The following RIF1 variants were observed in gnomAD, a reference collection of about 807,000 sequenced individuals.
The protein encoded by RIF1 is telomere-associated protein RIF1.
RIF1 carries 45 observed loss-of-function variants against 247.1 expected under a neutral mutation model. The observed-to-expected ratio is 0.18, with a 90% CI of 0.14 to 0.23. The LOEUF (loss-of-function observed/expected upper bound fraction) is 0.23, where lower values mean the gene tolerates loss of function less well. Among genes scored for constraint, RIF1 ranks in the 10% least tolerant of loss-of-function variants. The probability of loss-of-function intolerance (pLI) is 1.00; values close to 1 mark genes in which losing one functional copy is unlikely to be tolerated. For synonymous variants in RIF1, 1,087 were observed against 978.8 expected (o/e 1.11, Z -2.06); for missense variants, 2,967 against 2,862.5 (o/e 1.04, Z -0.83).
At chr2:151,506,845 A>G (rs1047572665) in intron 13 of RIF1, 2 of 1,076,340 alleles carry the variant, frequency 1.9e-6, no homozygotes, top group Non-Finnish European at 1.4e-6. Flanking sequence ...AGGCTAGTAT[A>G]TTTTTAAAGA....
At position 151,465,943 on chromosome 2, in the gene RIF1, T is replaced by C; in HGVS notation, c.6423T>C (p.Asn2141=). Residue 2141 remains asparagine, a synonymous_variant, in exon 30 of 36, where the codon AAT becomes AAC. Coordinates refer to ENST00000444746, the MANE Select transcript of RIF1 (RefSeq NM_018151.5). The part of the protein sequence containing the change: ...TAISELIIED[N]NASPQKLREL... ...TCTCTGAGCTAATAATAGAAGACAA[T>C]AATGCATCTCCTCAAAAACTAAGGG... The C allele has an allele frequency of 1.2e-6, 2 of 1,614,106 alleles. No homozygotes were observed. The highest frequency in any genetic ancestry group is 8.5e-7 in the Non-Finnish European group (1 of 1,180,008).
intron 12 of RIF1, chr2:151,503,201 TTAACA>T: frequency 1.6e-6 from 1 of 628,766 alleles, no homozygotes. Flanking sequence ...TCATTTTGTA[TTAACA>T]TAATTTTGGT....
chr2:151,481,647 A>G lies in RIF1; in HGVS notation c.*6576A>G, dbSNP rs2049172702. ...TAAAAATGATTTAAGTTGAAGCCTA[A>G]CAGAAGTACTTGTTCATTCCTCAGT... On this transcript the variant is annotated 3_prime_UTR_variant, in exon 36 of 36. Coordinates refer to ENST00000444746, the MANE Select transcript of RIF1 (RefSeq NM_018151.5). The G allele has an allele frequency of 6.6e-6, 1 of 152,236 alleles. No homozygotes were observed. The highest frequency in any genetic ancestry group is 1.5e-5 in the Non-Finnish European group (1 of 68,042). The allele number at this position is 152,236 out of a possible 1,614,324, so 9.4% of individuals were successfully genotyped here.
At chr2:151,525,284 C>T in the RIF1 span, 1 of 1,574,474 alleles carries the variant, frequency 6.4e-7, no homozygotes, top group African/African-American at 1.3e-5. Flanking sequence ...CTAAATAGAG[C>T]CAGAATTACT....
intron 21 of RIF1, among the ~76,000 whole-genome samples, chr2:151,452,668 AC>A (rs922834810): frequency 6.6e-6 from 1 of 152,202 alleles, no homozygotes; most frequent in African/African-American, 2.4e-5. Flanking sequence ...TCTGACCAGG[AC>A]CTAATATGAT....
chr2:151,492,595 T>G, intron 9 of RIF1: 1 of 811,374 alleles, frequency 1.2e-6, no homozygotes, highest in Non-Finnish European at 1.9e-6. Context: ...GAGGGACGCT[T>G]GGGTCAACTG....
rs35824119 is a variant in RIF1 at position 151,491,037 on chromosome 2, CTT to C, written c.*416-4178_*416-4177del. Among the ~76,000 whole-genome samples the C allele has an allele frequency of 1.8e-3, 246 of 137,990 alleles. 1 individual carries two copies. The highest frequency in any genetic ancestry group is 4.4e-3 in the East Asian group (21 of 4,720). 90.5% of individuals were successfully genotyped at this position (137,990 alleles called of 152,430 possible). A position where few individuals can be genotyped will look rare whatever the true frequency, so the allele number is the denominator to read the frequency against. On this transcript the variant is annotated intron_variant and NMD_transcript_variant, in intron 9 of 13. Coordinates refer to the RIF1 transcript ENST00000454583. ...TTGAGGACTGTCTCTACATAATATCCTTTTTTTTTTTTTTTGAGATGGGGTCT... is the reference window on the plus strand; with the variant it reads ...TTGAGGACTGTCTCTACATAATATCCTTTTTTTTTTTTTGAGATGGGGTCT...
intron 21 of RIF1, among the ~76,000 whole-genome samples, chr2:151,452,128 T>A (rs1694408046): frequency 6.6e-6 from 1 of 152,142 alleles, no homozygotes; most frequent in South Asian, 2.1e-4. Context: ...AAGAAAACAA[T>A]GGGATCAGTT....
intron 12 of RIF1, chr2:151,503,219 G>C: frequency 1.4e-6 from 1 of 698,050 alleles, no homozygotes; most frequent in East Asian, 2.7e-5. Flanking sequence ...ATTTTGGTCA[G>C]GTAATAATAC....
At chr2:151,448,748 C>T (rs1336247787) in intron 20 of RIF1, among the ~76,000 whole-genome samples, 3 of 152,146 alleles carry the variant, frequency 2.0e-5, no homozygotes, top group Non-Finnish European at 4.4e-5. Context: ...TGTTATTTCA[C>T]CCACACTCCA....
chr2:151,520,381 C>T, the RIF1 span, among the ~76,000 whole-genome samples: 1 of 152,038 alleles, frequency 6.6e-6, no homozygotes, highest in African/African-American at 2.4e-5. Flanking sequence ...AAGTGAGATA[C>T]TTCAGAATAA....
chr2:151,473,306 T>C (rs918372828), intron 34 of RIF1, among the ~76,000 whole-genome samples: 1 of 150,886 alleles, frequency 6.6e-6, no homozygotes, highest in African/African-American at 2.4e-5. Flanking sequence ...TTTTTTTTTT[T>C]TTTTTTTTAA....
rs1387467861 is a variant in RIF1 at position 151,477,720 on chromosome 2, T to A, written c.*2649T>A. ...CCACCCCACCTGGCCATTTTCTTTTTTTTTTGAGGTGGAGTTTTCGCCCTT... is the reference window on the plus strand; with the variant it reads ...CCACCCCACCTGGCCATTTTCTTTTATTTTTGAGGTGGAGTTTTCGCCCTT... On this transcript the variant is annotated 3_prime_UTR_variant, in exon 36 of 36. Coordinates refer to ENST00000444746, the MANE Select transcript of RIF1 (RefSeq NM_018151.5). 1 of 151,736 alleles carries A rather than the reference T, an allele frequency of 6.6e-6. No individual in the cohort carries two copies. Among genetic ancestry groups the A allele is most frequent in the African/African-American group, 2.4e-5 (1 of 41,072 alleles). 9.4% of individuals were successfully genotyped at this position (151,736 alleles called of 1,614,324 possible).
chr2:151,426,659 G>GTT lies in RIF1; in HGVS notation c.787-2116_787-2115dup, dbSNP rs201896640. On this transcript the variant is annotated intron_variant, in intron 8 of 35. Coordinates refer to ENST00000444746, the MANE Select transcript of RIF1 (RefSeq NM_018151.5). Reference sequence around the variant, plus strand: ...ACAGATGTCTTTCCATTTATTTAGGGTTTTTTTTTTGTTTTTTTTTTAAGA... The same window carrying GTT: ...ACAGATGTCTTTCCATTTATTTAGGGTTTTTTTTTTTTGTTTTTTTTTTAAGA... 3.8e-4 allele frequency among the ~76,000 whole-genome samples: 56 copies of GTT among 145,844 alleles called. No individual in the cohort carries two copies. The South Asian group carries it at 4.4e-3, about 11-fold the overall frequency.
intron 13 of RIF1, chr2:151,507,720 T>C: frequency 2.9e-6 from 1 of 349,904 alleles, no homozygotes; most frequent in South Asian, 6.8e-5. Context: ...AATCTGTCTT[T>C]TGTTACAGGG....
At chr2:151,456,751 A>G in intron 23 of RIF1, 131 bp downstream of exon 23, 1 of 541,510 alleles carries the variant, frequency 1.8e-6, no homozygotes, top group Non-Finnish European at 3.1e-6. Flanking sequence ...TTTTTCCTGG[A>G]GACAGCATTT....
At chr2:151,493,180 G>T in intron 9 of RIF1, 6 of 563,302 alleles carry the variant, frequency 1.1e-5, no homozygotes, top group South Asian at 2.4e-5. Context: ...TAAATTTTCA[G>T]TTGAATAAGT....
downstream of RIF1, among the ~76,000 whole-genome samples, chr2:151,510,713 A>G (rs2153229515): frequency 6.6e-6 from 1 of 152,314 alleles, no homozygotes; most frequent in Middle Eastern, 3.4e-3. Flanking sequence ...GCTTTGTCAT[A>G]GGTGTATATG....
At position 151,474,838 on chromosome 2, in the gene RIF1, T is replaced by C; in HGVS notation, c.7205-19T>C. On this transcript the variant is annotated intron_variant, in intron 35 of 35. Coordinates refer to ENST00000444746, the MANE Select transcript of RIF1 (RefSeq NM_018151.5). ...TTGTCTGGTATAGATTTAATTGTGGTTTTTTTTTTCTCTTTTAGATATAAT... is the reference window on the plus strand; with the variant it reads ...TTGTCTGGTATAGATTTAATTGTGGCTTTTTTTTTCTCTTTTAGATATAAT... 6 of 1,281,344 alleles carry C rather than the reference T, an allele frequency of 4.7e-6. No individual in the cohort carries two copies. The highest frequency in any genetic ancestry group is 5.5e-6 in the Non-Finnish European group (5 of 906,662). 79.4% of individuals were successfully genotyped at this position (1,281,344 alleles called of 1,614,324 possible).
Sources: allele counts gnomAD v4.1 joint callset (sites outside exome capture counted in the v4.1 genomes callset), GRCh38; gene constraint gnomAD v4.1.1; transcripts MANE v1.5; gene names NCBI Gene and HGNC (gene_info 2026-07-23, HGNC 2026-07-21).